The following BTG4 variants were observed in gnomAD, a reference collection of about 807,000 sequenced individuals.
BTG4 encodes protein BTG4.
A neutral mutation model predicts 19.3 loss-of-function variants in BTG4; 10 were observed. The ratio of observed to expected loss-of-function variants is 0.52; its 90% CI spans 0.32 to 0.88. The LOEUF (loss-of-function observed/expected upper bound fraction) is 0.88, where lower values mean the gene tolerates loss of function less well. Among genes scored for constraint, BTG4 ranks in the 40% least tolerant of loss-of-function variants. The pLI is 0.04. For synonymous variants in BTG4, 91 were observed against 95.7 expected (o/e 0.95, Z 0.29); for missense variants, 238 against 281.9 (o/e 0.84, Z 1.11).
At chr11:111,453,510 A>G in the BTG4 span, 1 of 456,602 alleles carries the variant, frequency 2.2e-6, no homozygotes, top group South Asian at 1.5e-5. Flanking sequence ...CTTCCCCAAG[A>G]ACTGGGATAA....
chr11:111,405,435 A>T, the BTG4 span, among the ~76,000 whole-genome samples: 2 of 143,972 alleles, frequency 1.4e-5, no homozygotes, highest in African/African-American at 2.6e-5. Flanking sequence ...AAAAAAAAAA[A>T]GATGTCAGGA....
the BTG4 span, among the ~76,000 whole-genome samples, chr11:111,436,398 G>A: frequency 6.6e-6 from 1 of 152,152 alleles, no homozygotes; most frequent in Non-Finnish European, 1.5e-5. Context: ...AGCTGAGATG[G>A]GTGGATCACC....
downstream of BTG4, among the ~76,000 whole-genome samples, chr11:111,466,553 G>A (rs1195833583): frequency 6.6e-6 from 1 of 152,140 alleles, no homozygotes; most frequent in Non-Finnish European, 1.5e-5. Flanking sequence ...CATAAAGGTG[G>A]ACAGAAGACC....
At chr11:111,405,360 C>T in the BTG4 span, among the ~76,000 whole-genome samples, 93,955 of 142,072 alleles carry the variant, frequency 0.66, 30,870 homozygotes, top group Admixed American at 0.78. Flanking sequence ...CCCAAGATTA[C>T]GCCATTGCAC....
the BTG4 span, chr11:111,398,181 T>C: frequency 6.6e-6 from 1 of 152,244 alleles, no homozygotes; most frequent in Admixed American, 6.5e-5. Context: ...GCTGATCATC[T>C]GCAAGTCTGA....
chr11:111,447,576 A>G, the BTG4 span, among the ~76,000 whole-genome samples: 541 of 152,300 alleles, frequency 3.6e-3, 5 homozygotes, highest in African/African-American at 0.012. Context: ...ATGCACACGC[A>G]TGCACACACA....
the BTG4 span, among the ~76,000 whole-genome samples, chr11:111,430,647 G>A: frequency 6.6e-6 from 1 of 152,210 alleles, no homozygotes; most frequent in Non-Finnish European, 1.5e-5. Flanking sequence ...TTGGCTTAGG[G>A]ATTTGGGGGG....
the BTG4 span, among the ~76,000 whole-genome samples, chr11:111,393,409 TGGTGCACAGAACCCACG>T: frequency 6.6e-6 from 1 of 152,206 alleles, no homozygotes; most frequent in South Asian, 2.1e-4. Flanking sequence ...CACCTGACTA[TGGTGCACAGAACCCACG>T]GGTGCCTGAG....
the BTG4 span, among the ~76,000 whole-genome samples, chr11:111,420,844 G>T: frequency 6.6e-6 from 1 of 152,164 alleles, no homozygotes; most frequent in African/African-American, 2.4e-5. Flanking sequence ...TTCTAGCAGA[G>T]AAAAATGAAT....
At chr11:111,468,503 CTCATAACCATGAG>C (rs967655254) in intron 5 of BTG4, among the ~76,000 whole-genome samples, 1 of 152,226 alleles carries the variant, frequency 6.6e-6, no homozygotes. Context: ...ACACCAAAAA[CTCATAACCATGAG>C]TCTATGCAGC....
the BTG4 span, among the ~76,000 whole-genome samples, chr11:111,384,178 A>T: frequency 2.0e-5 from 3 of 152,106 alleles, no homozygotes; most frequent in African/African-American, 7.2e-5. Flanking sequence ...CGGCAGTTTT[A>T]TTTTTTCCCT....
the BTG4 span, among the ~76,000 whole-genome samples, chr11:111,411,656 G>A: frequency 5.9e-5 from 9 of 152,250 alleles, no homozygotes; most frequent in East Asian, 1.5e-3. Context: ...TATAGGGTTG[G>A]GTTCTGCACT....
chr11:111,438,737 C>T, the BTG4 span, among the ~76,000 whole-genome samples: 38 of 152,322 alleles, frequency 2.5e-4, no homozygotes, highest in Non-Finnish European at 3.5e-4. Context: ...CAAAACATTT[C>T]CTCATCTCCT....
the BTG4 span, among the ~76,000 whole-genome samples, chr11:111,403,815 AATG>A: frequency 4.6e-5 from 7 of 152,212 alleles, no homozygotes; most frequent in Non-Finnish European, 8.8e-5. Context: ...TATTGATGGT[AATG>A]ATGGTGGTGA....
chr11:111,430,783 G>A, the BTG4 span, among the ~76,000 whole-genome samples: 1 of 152,146 alleles, frequency 6.6e-6, no homozygotes, highest in Non-Finnish European at 1.5e-5. Context: ...AAGTCACACA[G>A]CCACTAAATG....
At chr11:111,431,311 C>A in the BTG4 span, among the ~76,000 whole-genome samples, 1 of 152,132 alleles carries the variant, frequency 6.6e-6, no homozygotes, top group Non-Finnish European at 1.5e-5. Context: ...ATGTGTCAGG[C>A]ACTGTTCTAA....
At chr11:111,392,689 C>T in the BTG4 span, among the ~76,000 whole-genome samples, 2 of 152,156 alleles carry the variant, frequency 1.3e-5, no homozygotes, top group African/African-American at 4.8e-5. Flanking sequence ...CAGGGCCTCA[C>T]CTGGCTCCTT....
downstream of BTG4, chr11:111,494,692 G>A (rs1015221831): frequency 6.3e-5 from 12 of 189,304 alleles, no homozygotes; most frequent in South Asian, 1.8e-4. Context: ...TTGGGAGGCC[G>A]AGACAGGAGG....
chr11:111,458,873 C>T, the BTG4 span, among the ~76,000 whole-genome samples: 3 of 152,184 alleles, frequency 2.0e-5, no homozygotes, highest in South Asian at 6.2e-4. Flanking sequence ...TTTATTAACT[C>T]TTTGACCTTG....
Sources: gnomAD v4.1 joint callset for allele counts (sites outside exome capture counted in the v4.1 genomes callset) on GRCh38, gnomAD v4.1.1 for gene constraint, MANE v1.5 for transcripts, NCBI Gene and HGNC (gene_info 2026-07-23, HGNC 2026-07-21) for gene names.